SLC35F5: variants seen among roughly 807,000 people sequenced by gnomAD.
The protein encoded by SLC35F5 is solute carrier family 35 member F5, also known as HCV NS5A-transactivated protein 3.
A neutral mutation model predicts 68.6 loss-of-function variants in SLC35F5; 54 were observed. That is an observed-to-expected ratio of 0.79 (90% CI 0.63 to 0.99). The LOEUF (loss-of-function observed/expected upper bound fraction) is 0.99. SLC35F5 is among the 50% of genes least tolerant of loss of function. SLC35F5 has a pLI of 0.00. For synonymous variants in SLC35F5, 211 were observed against 205.2 expected (o/e 1.03, Z -0.24); for missense variants, 567 against 626.9 (o/e 0.90, Z 1.02).
chr2:113,751,585 G>T (rs1676741833), intron 3 of SLC35F5, among the ~76,000 whole-genome samples: 1 of 151,960 alleles, frequency 6.6e-6, no homozygotes, highest in Admixed American at 6.5e-5. Flanking sequence ...CGAGGCGGGT[G>T]GATCACTTGA....
At position 113,713,844 on chromosome 2, in the gene SLC35F5, T is replaced by A. The variant is rs183446239; in HGVS notation, c.*1374A>T. 4 of 151,372 alleles carry A rather than the reference T, an allele frequency of 2.6e-5. No homozygotes were observed. The East Asian group carries it at 7.8e-4, about 29-fold the overall frequency. 9.4% of individuals were successfully genotyped at this position (151,372 alleles called of 1,614,324 possible). On this transcript the variant is annotated 3_prime_UTR_variant, in exon 16 of 16. Transcript: ENST00000245680. ...TAATATAATATAGAAGTTCTCAGAA[T>A]GAAACAAAAGGAAGGCTAAACTTCA...
rs571747564 is a variant in SLC35F5 at position 113,713,827 on chromosome 2, T to C, written c.*1391A>G. 4.7e-5 allele frequency: 7 copies of C among 149,868 alleles called. No homozygotes were observed. The South Asian group carries it at 1.3e-3, about 27-fold the overall frequency. 9.3% of individuals were successfully genotyped at this position (149,868 alleles called of 1,614,324 possible). Reference sequence around the variant, plus strand: ...TAAACAATTTTTAAAGGTAATATAATATAGAAGTTCTCAGAATGAAACAAA... The same window carrying C: ...TAAACAATTTTTAAAGGTAATATAACATAGAAGTTCTCAGAATGAAACAAA... On this transcript the variant is annotated 3_prime_UTR_variant, in exon 16 of 16. Coordinates refer to ENST00000245680, the MANE Select transcript of SLC35F5 (RefSeq NM_025181.5).
intron 9 of SLC35F5, 132 bp downstream of exon 9, chr2:113,734,454 T>G: frequency 1.7e-6 from 1 of 597,282 alleles, no homozygotes; most frequent in Non-Finnish European, 3.0e-6. Flanking sequence ...AGTAGCATCA[T>G]GTCCACTTAA....
rs577560893 is a variant in SLC35F5, at chr2:113,755,491, T to G, written c.94A>C (p.Ile32Leu). 3.2e-5 allele frequency: 52 copies of G among 1,614,110 alleles called. 1 individual carries two copies. The South Asian group carries it at 5.3e-4, about 16-fold the overall frequency. ...GCCCTTCTGAGATCCTCAAGAGCAA[T>G]GCCGGAAAACTTGGCAGATCTCAGT... ...FRLRSAKFSG[I>L]ALEDLRRALK... is the part of the protein sequence containing the mutation. The change falls in exon 2 of 16, where the codon ATT becomes CTT. Residue 32 changes from isoleucine (I) to leucine (L), a missense_variant. Physicochemically the swap from Ile to Leu is conservative, Grantham distance 5. Coordinates refer to ENST00000245680, the MANE Select transcript of SLC35F5 (RefSeq NM_025181.5).
intron 9 of SLC35F5, among the ~76,000 whole-genome samples, 165 bp from the exon 10 acceptor site, chr2:113,731,813 T>C (rs950072811): frequency 1.3e-5 from 2 of 152,202 alleles, no homozygotes; most frequent in African/African-American, 4.8e-5. Flanking sequence ...AATATAATAA[T>C]ATAGTGTTAT....
intron 10 of SLC35F5, among the ~76,000 whole-genome samples, chr2:113,731,367 T>C (rs1374895206): frequency 6.6e-6 from 1 of 152,196 alleles, no homozygotes; most frequent in Non-Finnish European, 1.5e-5. Flanking sequence ...AACTGTATAA[T>C]ATTTATGTAA....
rs1220065124 is a variant in SLC35F5, at chr2:113,751,936, GCA to G, written c.274-1370_274-1369del. On this transcript the variant is annotated intron_variant, in intron 3 of 15. Coordinates refer to ENST00000245680, the MANE Select transcript of SLC35F5 (RefSeq NM_025181.5). Reference sequence around the variant, plus strand: ...ATGTTAAAGATTAATAAGATGTCAGGCACAGTGGCTCACGCCTGTAATCCCAA... The same window carrying G: ...ATGTTAAAGATTAATAAGATGTCAGGCAGTGGCTCACGCCTGTAATCCCAA... Among the ~76,000 whole-genome samples, 4 of 152,108 alleles carry G rather than the reference GCA, an allele frequency of 2.6e-5. No individual in the cohort carries two copies. In the East Asian group the frequency reaches 5.8e-4, roughly 22 times the overall value.
chr2:113,747,946 G>C (rs1676574513), intron 4 of SLC35F5, among the ~76,000 whole-genome samples: 1 of 152,040 alleles, frequency 6.6e-6, no homozygotes, highest in Non-Finnish European at 1.5e-5. Context: ...ACAAAAATTA[G>C]CCGGGCATGG....
intron 7 of SLC35F5, among the ~76,000 whole-genome samples, chr2:113,740,523 T>C (rs180747053): frequency 1.3e-5 from 2 of 152,372 alleles, no homozygotes; most frequent in African/African-American, 4.8e-5. Flanking sequence ...AATTACAATA[T>C]ACATAAAATA....
intron 3 of SLC35F5, among the ~76,000 whole-genome samples, chr2:113,752,696 G>T (rs11884650): frequency 6.6e-6 from 1 of 151,944 alleles, no homozygotes; most frequent in African/African-American, 2.4e-5. Context: ...TACAGTTAAG[G>T]AGTAAAAGAT....
downstream of SLC35F5, among the ~76,000 whole-genome samples, chr2:113,703,053 T>G (rs1164681815): frequency 6.6e-6 from 1 of 152,084 alleles, no homozygotes; most frequent in Admixed American, 6.6e-5. Flanking sequence ...GAGGTTGCAA[T>G]GAGCCAAGAT....
downstream of SLC35F5, among the ~76,000 whole-genome samples, chr2:113,704,745 C>G (rs898973167): frequency 6.6e-6 from 1 of 152,208 alleles, no homozygotes; most frequent in South Asian, 2.1e-4. Flanking sequence ...CGCGCTGGCC[C>G]GCAAGCACCG....
In SLC35F5 at chr2:113,707,704, C is replaced by CT. The variant is rs1686837150; in HGVS notation, c.*7513_*7514insA. ...CCTCACAAGTAGCTGGGACTACAGG[C>CT]GTGCACCACCATGCCTGGCTAATTT... On this transcript the variant is annotated 3_prime_UTR_variant, in exon 16 of 16. Coordinates refer to ENST00000245680, the MANE Select transcript of SLC35F5 (RefSeq NM_025181.5). Among the ~76,000 whole-genome samples the CT allele has an allele frequency of 6.6e-6, 1 of 151,994 alleles. No individual in the cohort carries two copies. Among genetic ancestry groups the CT allele is most frequent in the Non-Finnish European group, 1.5e-5 (1 of 67,974 alleles).
intron 9 of SLC35F5, among the ~76,000 whole-genome samples, chr2:113,733,903 T>G (rs1687988338): frequency 6.6e-6 from 1 of 152,260 alleles, no homozygotes; most frequent in Non-Finnish European, 1.5e-5. Context: ...TTCTCTGATT[T>G]TGTTTCATAA....
chr2:113,714,357 C>T lies in SLC35F5; in HGVS notation c.*861G>A, dbSNP rs570892957. 2.0e-5 allele frequency: 3 copies of T among 152,158 alleles called. No homozygotes were observed. The highest frequency in any genetic ancestry group is 4.8e-5 in the African/African-American group (2 of 41,526). The allele number at this position is 152,158 out of a possible 1,614,324, so 9.4% of individuals were successfully genotyped here. ...GATACATCTACAATACACAAATAGA[C>T]GTATAAACATTGTATTTTAATAATA... On this transcript the variant is annotated 3_prime_UTR_variant, in exon 16 of 16. Transcript: ENST00000245680.
At chr2:113,725,305 C>G in intron 12 of SLC35F5, 73 bp downstream of exon 12, 1 of 1,444,514 alleles carries the variant, frequency 6.9e-7, no homozygotes, top group Non-Finnish European at 9.5e-7. Flanking sequence ...CACCAGCAAA[C>G]AGACAAATAT....
At chr2:113,756,217 CCT>C (rs1189159000) in intron 1 of SLC35F5, 151 bp downstream of exon 1, 8 of 1,511,874 alleles carry the variant, frequency 5.3e-6, no homozygotes, top group African/African-American at 2.8e-5. Flanking sequence ...CTCCGGCGCC[CCT>C]GTCAGCTCCC....
chr2:113,753,465 C>T (rs971918595), intron 3 of SLC35F5, among the ~76,000 whole-genome samples: 26 of 152,146 alleles, frequency 1.7e-4, no homozygotes, highest in African/African-American at 6.3e-4. Flanking sequence ...GCGTGAGCCA[C>T]TGCGCCTGGC....
intron 1 of SLC35F5, 73 bp from the exon 2 acceptor site, chr2:113,755,617 C>G (rs912181948): frequency 7.3e-7 from 1 of 1,372,892 alleles, no homozygotes; most frequent in Non-Finnish European, 1.0e-6. Flanking sequence ...TCGTTTTTTA[C>G]TCTTCATCTT....
Sources: allele counts gnomAD v4.1 joint callset (sites outside exome capture counted in the v4.1 genomes callset), GRCh38; gene constraint gnomAD v4.1.1; transcripts MANE v1.5; gene names NCBI Gene and HGNC (gene_info 2026-07-23, HGNC 2026-07-21).